Variants in SLC67A1 observed in about 807,000 individuals in gnomAD.
The protein encoded by SLC67A1 is solute carrier family 67 member A1.
At chr11:2,917,867 G>A in the SLC67A1 span, 1 of 697,682 alleles carries the variant, frequency 1.4e-6, no homozygotes, top group African/African-American at 1.8e-5. Context: ...CTGAAGCCAA[G>A]GAAGGAAGCT....
chr11:2,903,329 T>G, the SLC67A1 span: 2 of 1,611,442 alleles, frequency 1.2e-6, no homozygotes, highest in Non-Finnish European at 1.7e-6. Flanking sequence ...TGGGTCTCCC[T>G]GCTGCGCCTG....
chr11:2,909,482 G>T, the SLC67A1 span: 3 of 1,434,242 alleles, frequency 2.1e-6, no homozygotes, highest in Non-Finnish European at 2.7e-6. Flanking sequence ...CGGGGGTGGG[G>T]GGCGACGTGG....
the SLC67A1 span, chr11:2,909,762 G>A: frequency 2.4e-5 from 33 of 1,403,892 alleles, 1 homozygote; most frequent in South Asian, 4.9e-4. Flanking sequence ...CCCGCGGCTG[G>A]GTCGGCCCCG....
At chr11:2,915,796 C>G in the SLC67A1 span, among the ~76,000 whole-genome samples, 3 of 152,234 alleles carry the variant, frequency 2.0e-5, no homozygotes, top group Admixed American at 6.5e-5. Flanking sequence ...CTGTCTCTCC[C>G]TGAGGGGAGG....
the SLC67A1 span, among the ~76,000 whole-genome samples, chr11:2,907,896 C>T: frequency 6.6e-6 from 1 of 152,194 alleles, no homozygotes; most frequent in Non-Finnish European, 1.5e-5. This position sits in a 1 kb window ranked among gnomAD's most constrained non-coding sequence, Gnocchi z 6.7. Flanking sequence ...CAGGACACTG[C>T]TGCTGGCGTC....
chr11:2,908,286 C>T, the SLC67A1 span: 9 of 1,613,900 alleles, frequency 5.6e-6, no homozygotes, highest in Non-Finnish European at 7.6e-6. Flanking sequence ...ACCTGCAAAC[C>T]ACCTTCGGGG....
the SLC67A1 span, among the ~76,000 whole-genome samples, chr11:2,924,368 A>G: frequency 6.6e-6 from 1 of 151,932 alleles, no homozygotes; most frequent in Non-Finnish European, 1.5e-5. This position sits in a 1 kb window ranked among gnomAD's most constrained non-coding sequence, Gnocchi z 8.6. Context: ...GAGTAGTAGG[A>G]GCTCCGCAGG....
At chr11:2,916,569 G>A in the SLC67A1 span, 5 of 1,381,580 alleles carry the variant, frequency 3.6e-6, no homozygotes, top group South Asian at 6.1e-5. Context: ...ATGTGGCTGG[G>A]GCGCCTGGGC....
the SLC67A1 span, chr11:2,909,967 C>G: frequency 2.3e-6 from 1 of 427,358 alleles, no homozygotes; most frequent in South Asian, 4.4e-5. Context: ...CCACGCACAG[C>G]CCCACTGGGA....
chr11:2,918,189 G>T, the SLC67A1 span: 1 of 907,678 alleles, frequency 1.1e-6, no homozygotes. Flanking sequence ...GTGCCCCACA[G>T]GTCCACACAG....
chr11:2,919,423 G>A, the SLC67A1 span: 1 of 1,585,254 alleles, frequency 6.3e-7, no homozygotes, highest in African/African-American at 1.3e-5. Context: ...TGGGCACACA[G>A]GGCCTGCTGG....
the SLC67A1 span, chr11:2,916,968 G>C: frequency 3.9e-6 from 2 of 516,794 alleles, no homozygotes; most frequent in Non-Finnish European, 7.0e-6. Flanking sequence ...GAGGCCCAGA[G>C]AGGCAGGAAG....
chr11:2,915,516 C>T, the SLC67A1 span, among the ~76,000 whole-genome samples: 1 of 152,206 alleles, frequency 6.6e-6, no homozygotes, highest in Non-Finnish European at 1.5e-5. Flanking sequence ...GAATGGCTCA[C>T]ACATTTGTCC....
chr11:2,900,862 T>G, the SLC67A1 span, among the ~76,000 whole-genome samples: 1 of 152,186 alleles, frequency 6.6e-6, no homozygotes, highest in African/African-American at 2.4e-5. Flanking sequence ...CTAGATTTCT[T>G]GAACTTTCTG....
chr11:2,914,988 G>T, the SLC67A1 span: 1 of 985,314 alleles, frequency 1.0e-6, no homozygotes. Flanking sequence ...CCATTCGTGC[G>T]GAACCCCAGC....
the SLC67A1 span, chr11:2,919,117 C>T: frequency 2.8e-6 from 1 of 356,008 alleles, no homozygotes. Flanking sequence ...AGGCACTTTC[C>T]ACACCAGGGA....
the SLC67A1 span, among the ~76,000 whole-genome samples, chr11:2,904,285 A>G: frequency 6.6e-6 from 1 of 152,186 alleles, no homozygotes; most frequent in African/African-American, 2.4e-5. Flanking sequence ...CTCAGCCCTC[A>G]GAGCCTGGAC....
At chr11:2,909,382 G>C in the SLC67A1 span, 1 of 1,507,190 alleles carries the variant, frequency 6.6e-7, no homozygotes, top group Non-Finnish European at 8.8e-7. Context: ...CTGGAGTCCA[G>C]GTGGGGCCGG....
At chr11:2,918,875 T>C in the SLC67A1 span, 1 of 172,296 alleles carries the variant, frequency 5.8e-6, no homozygotes, top group South Asian at 1.5e-4. Flanking sequence ...TTTAAGTGTT[T>C]GTAGAGACAG....
Sources: allele counts gnomAD v4.1 joint callset (sites outside exome capture counted in the v4.1 genomes callset), GRCh38; gene constraint gnomAD v4.1.1; non-coding constraint Gnocchi (gnomAD v3.1); transcripts MANE v1.5; gene names NCBI Gene and HGNC (gene_info 2026-07-23, HGNC 2026-07-21).